Variants in FGGY observed in about 807,000 individuals in gnomAD.
FGGY encodes the protein FGGY carbohydrate kinase domain-containing protein.
In FGGY, 72 loss-of-function variants were observed where a neutral mutation model predicts 71.3. The ratio of observed to expected loss-of-function variants is 1.01; its 90% CI spans 0.84 to 1.23. The LOEUF is 1.23. Among genes scored for constraint, FGGY ranks in the 50% most tolerant of loss-of-function variants. The pLI is 0.00. For missense variants in FGGY, 668 were observed against 682.3 expected, an observed-to-expected ratio of 0.98 and a Z score of 0.23; for synonymous variants, 251 against 250.3, an observed-to-expected ratio of 1.00 and a Z score of -0.02.
At chr1:59,721,333 C>CTTTTTTTT (rs1193468922) in intron 14 of FGGY, among the ~76,000 whole-genome samples, 3 of 68,586 alleles carry the variant, frequency 4.4e-5, no homozygotes, top group African/African-American at 5.6e-5. Flanking sequence ...CTTTTCTTTC[C>CTTTTTTTT]TTTGTTTTTT....
chr1:59,657,988 A>G (rs1176657693), intron 11 of FGGY, among the ~76,000 whole-genome samples: 1 of 152,208 alleles, frequency 6.6e-6, no homozygotes, highest in Non-Finnish European at 1.5e-5. Context: ...ACAAAGAAGG[A>G]TAGGACATAA....
intron 14 of FGGY, among the ~76,000 whole-genome samples, chr1:59,741,537 A>G (rs2098147281): frequency 6.6e-6 from 1 of 152,206 alleles, no homozygotes; most frequent in African/African-American, 2.4e-5. Flanking sequence ...ACCCAGTCTC[A>G]GGTATTTCTT....
Position 59,378,819 on chromosome 1 carries a change from C to T in FGGY, c.536C>T (p.Ala179Val), listed in dbSNP as rs1370734501. 5 of 1,613,142 alleles carry T rather than the reference C, an allele frequency of 3.1e-6. No homozygotes were observed. In the African/African-American group the frequency reaches 6.7e-5, roughly 22 times the overall value. ...CTCCCGGACTTCTTATCGTGGAAGGCAACAGGTGTCACAGCACGGTATGTT... is the reference window on the plus strand; with the variant it reads ...CTCCCGGACTTCTTATCGTGGAAGGTAACAGGTGTCACAGCACGGTATGTT... ...FDLPDFLSWK[A>V]TGVTARSLCS... The change falls in exon 5 of 16, where the codon GCA (alanine) becomes GTA (valine). Residue 179 changes from alanine (A) to valine (V), a missense_variant. By Grantham distance (64) the Ala-to-Val change is moderately conservative. Around this residue, in one of 2 missense-constraint regions of FGGY, gnomAD observed 661 missense variants for 661.6 expected, o/e 1.00. Coordinates refer to ENST00000303721, the MANE Select transcript of FGGY (RefSeq NM_018291.5).
intron 5 of FGGY, among the ~76,000 whole-genome samples, chr1:59,380,963 T>C (rs979748684): frequency 6.6e-5 from 10 of 152,122 alleles, no homozygotes; most frequent in South Asian, 2.1e-4. Context: ...TGAATTAATT[T>C]TTGTATAGGG....
intron 3 of FGGY, among the ~76,000 whole-genome samples, chr1:59,341,082 T>C (rs1389204995): frequency 1.3e-5 from 2 of 152,170 alleles, no homozygotes; most frequent in Non-Finnish European, 2.9e-5. Flanking sequence ...GGTAGTAGGG[T>C]ACATTGATAC....
At chr1:59,535,544 A>G (rs571328069) in intron 7 of FGGY, among the ~76,000 whole-genome samples, 13,622 of 152,032 alleles carry the variant, frequency 0.09, 814 homozygotes, top group Non-Finnish European at 0.14. Context: ...TTTCAGCACC[A>G]CACCACACCT....
intron 14 of FGGY, among the ~76,000 whole-genome samples, chr1:59,736,361 C>T (rs2098103760): frequency 6.6e-6 from 1 of 152,098 alleles, no homozygotes; most frequent in African/African-American, 2.4e-5. Context: ...AACTTGGTAA[C>T]AGGCAGAGGT....
chr1:59,306,643 C>G (rs1169776577), intron 1 of FGGY, among the ~76,000 whole-genome samples: 2 of 152,294 alleles, frequency 1.3e-5, no homozygotes, highest in East Asian at 1.9e-4. Context: ...TCAGCTAGAG[C>G]TCTCCATTGC....
chr1:59,461,738 C>T (rs1452196869), intron 6 of FGGY, among the ~76,000 whole-genome samples: 2 of 152,060 alleles, frequency 1.3e-5, no homozygotes, highest in Non-Finnish European at 2.9e-5. Context: ...ACTCTACCAG[C>T]CAGAAGAGAG....
chr1:59,492,471 T>C (rs1305823361), intron 6 of FGGY, among the ~76,000 whole-genome samples: 2 of 152,162 alleles, frequency 1.3e-5, no homozygotes, highest in African/African-American at 4.8e-5. Flanking sequence ...TCTATTAGTT[T>C]AATTAACATC....
chr1:59,489,123 A>G (rs1278388129), intron 6 of FGGY, among the ~76,000 whole-genome samples: 1 of 152,126 alleles, frequency 6.6e-6, no homozygotes, highest in Non-Finnish European at 1.5e-5. Context: ...TTTTATACAT[A>G]TTTAGGGGGT....
chr1:59,428,798 C>T (rs578233195), intron 5 of FGGY, among the ~76,000 whole-genome samples: 35 of 152,292 alleles, frequency 2.3e-4, no homozygotes, highest in African/African-American at 8.4e-4. Flanking sequence ...TCTATGATGG[C>T]ACCTTTTGGT....
At chr1:59,608,343 T>G (rs1406495626) in intron 9 of FGGY, among the ~76,000 whole-genome samples, 1 of 152,280 alleles carries the variant, frequency 6.6e-6, no homozygotes, top group South Asian at 2.1e-4. Flanking sequence ...ACTAGGTTGC[T>G]CTCCTCACAG....
At chr1:59,444,801 G>A (rs532696367) in intron 5 of FGGY, among the ~76,000 whole-genome samples, 17 of 152,196 alleles carry the variant, frequency 1.1e-4, no homozygotes, top group South Asian at 8.3e-4. Flanking sequence ...CTTCCTCCTC[G>A]CAACCCCCAC....
intron 13 of FGGY, among the ~76,000 whole-genome samples, chr1:59,670,550 C>CA (rs1405520784): frequency 1.3e-5 from 2 of 151,972 alleles, no homozygotes; most frequent in African/African-American, 4.8e-5. Context: ...ACAAACAAAC[C>CA]AAAAAACATT....
intron 11 of FGGY, among the ~76,000 whole-genome samples, chr1:59,641,912 C>T (rs970303922): frequency 1.1e-4 from 16 of 152,168 alleles, no homozygotes; most frequent in African/African-American, 3.9e-4. Context: ...AACAGCATAG[C>T]TATTCCTCTA....
intron 3 of FGGY, among the ~76,000 whole-genome samples, chr1:59,344,316 T>TGGTTTTAATTTTAAACATTCTTTTC (rs2051333026): frequency 6.6e-6 from 1 of 151,540 alleles, no homozygotes; most frequent in Non-Finnish European, 1.5e-5. Context: ...TTTTTTTTTT[T>TGGTTTTAATTTTAAACATTCTTTTC]GGTTTTAATT....
intron 11 of FGGY, among the ~76,000 whole-genome samples, chr1:59,640,541 G>T (rs2097013101): frequency 6.6e-6 from 1 of 152,100 alleles, no homozygotes; most frequent in Admixed American, 6.5e-5. Flanking sequence ...ATGTTAATAG[G>T]AACTAGCAGG....
At chr1:59,727,896 C>A (rs1459326181) in intron 14 of FGGY, among the ~76,000 whole-genome samples, 3 of 152,094 alleles carry the variant, frequency 2.0e-5, no homozygotes, top group African/African-American at 7.2e-5. Context: ...TTAGTGTTAG[C>A]ATTGTGTAGC....
Sources: gnomAD v4.1 joint callset for allele counts (sites outside exome capture counted in the v4.1 genomes callset) on GRCh38, gnomAD v4.1.1 for gene constraint, gnomAD v4.1.1 regional missense constraint, MANE v1.5 for transcripts, NCBI Gene and HGNC (gene_info 2026-07-23, HGNC 2026-07-21) for gene names.